The following NRXN3 variants were observed in gnomAD, a reference collection of about 807,000 sequenced individuals.
NRXN3 encodes neurexin III.
Under a neutral mutation model 137.6 loss-of-function variants are expected in NRXN3, and 32 were observed. The observed-to-expected ratio is 0.23, with a 90% confidence interval of 0.18 to 0.31. NRXN3 has a LOEUF of 0.31. Among genes scored for constraint, NRXN3 ranks in the 10% least tolerant of loss-of-function variants. The pLI, the probability that NRXN3 is intolerant of heterozygous loss-of-function variation, is 1.00. For missense variants in NRXN3, 1,574 were observed against 2,062.5 expected, an observed-to-expected ratio of 0.76 and a Z score of 4.59; for synonymous variants, 798 against 784.5, an observed-to-expected ratio of 1.02 and a Z score of -0.29.
At chr14:79,647,647 C>T (rs995393209) in intron 16 of NRXN3, among the ~76,000 whole-genome samples, 1 of 135,314 alleles carries the variant, frequency 7.4e-6, no homozygotes, top group Admixed American at 7.9e-5. Context: ...ATTAAAACCT[C>T]GAGCCGACCC....
Position 79,865,144 on chromosome 14 carries a change from G to A in NRXN3, c.*3180G>A, listed in dbSNP as rs1222365601. ...CAGTATTTAAAACTATGTTCACATA[G>A]TGCCATAAGCACTAGAAAGTCTTAG... On this transcript the variant is annotated 3_prime_UTR_variant, in exon 21 of 21. Coordinates refer to ENST00000335750, the MANE Select transcript of NRXN3 (RefSeq NM_001330195.2). 6.6e-6 allele frequency: 1 copy of A among 152,122 alleles called. No individual in the cohort carries two copies. The highest frequency in any genetic ancestry group is 2.4e-5 in the African/African-American group (1 of 41,402). The allele number at this position is 152,122 out of a possible 1,614,324, so 9.4% of individuals were successfully genotyped here.
chr14:79,366,980 C>CTTTTTTTTTT (rs71131695), intron 15 of NRXN3, among the ~76,000 whole-genome samples: 1 of 113,204 alleles, frequency 8.8e-6, no homozygotes, highest in Non-Finnish European at 1.8e-5. Context: ...GTCCCTTAGT[C>CTTTTTTTTTT]TTTTTTTTTT....
chr14:78,775,828 G>T (rs1469427147), intron 8 of NRXN3, among the ~76,000 whole-genome samples: 1 of 152,124 alleles, frequency 6.6e-6, no homozygotes, highest in Non-Finnish European at 1.5e-5. Flanking sequence ...CTCAGTTTCA[G>T]TTATCTGAGG....
chr14:79,080,519 G>A (rs527901668), intron 15 of NRXN3, among the ~76,000 whole-genome samples: 1 of 152,146 alleles, frequency 6.6e-6, no homozygotes, highest in African/African-American at 2.4e-5. Flanking sequence ...GTGTATATAG[G>A]GGATATATAC....
intron 15 of NRXN3, among the ~76,000 whole-genome samples, chr14:79,023,108 CTTT>C (rs33929389): frequency 2.5e-4 from 35 of 139,786 alleles, no homozygotes; most frequent in Non-Finnish European, 4.0e-4. Flanking sequence ...AGCCCTTTGC[CTTT>C]TTTTTTTTTT....
intron 17 of NRXN3, among the ~76,000 whole-genome samples, chr14:79,691,535 A>G (rs527561396): frequency 7.7e-4 from 117 of 152,210 alleles, no homozygotes; most frequent in South Asian, 5.6e-3. Context: ...ATCTGGAAAG[A>G]TAGTGATATA....
chr14:79,258,169 A>C (rs79974847), intron 15 of NRXN3, among the ~76,000 whole-genome samples: 1,948 of 152,212 alleles, frequency 0.013, 46 homozygotes, highest in African/African-American at 0.045. Flanking sequence ...GGGTCACAAA[A>C]ATTGTTAAGC....
intron 16 of NRXN3, among the ~76,000 whole-genome samples, chr14:79,497,906 C>T (rs150689134): frequency 3.8e-4 from 58 of 152,072 alleles, no homozygotes; most frequent in African/African-American, 1.3e-3. Context: ...TAGTGGTGCG[C>T]CCCTGTAGTC....
At chr14:79,098,215 A>C (rs1397368326) in intron 15 of NRXN3, among the ~76,000 whole-genome samples, 4 of 152,158 alleles carry the variant, frequency 2.6e-5, no homozygotes, top group African/African-American at 9.7e-5. Context: ...AGCCAATCTC[A>C]GGTTTACAAT....
At chr14:78,510,681 G>A (rs577761783) in intron 4 of NRXN3, among the ~76,000 whole-genome samples, 40 of 152,222 alleles carry the variant, frequency 2.6e-4, no homozygotes, top group African/African-American at 9.4e-4. Context: ...TGCTTTCTTT[G>A]TTTGATCCCT....
chr14:79,514,970 C>G (rs1373624390), intron 16 of NRXN3, among the ~76,000 whole-genome samples: 1 of 150,456 alleles, frequency 6.6e-6, no homozygotes, highest in East Asian at 1.9e-4. Context: ...AGTTCCACAG[C>G]TGACTCACTG....
intron 6 of NRXN3, among the ~76,000 whole-genome samples, chr14:78,674,544 G>C (rs1276262490): frequency 6.6e-6 from 1 of 152,332 alleles, no homozygotes; most frequent in Admixed American, 6.5e-5. Context: ...TTTTGGTGGG[G>C]AATAACATTT....
intron 15 of NRXN3, among the ~76,000 whole-genome samples, chr14:79,403,109 G>T (rs1392667839): frequency 6.6e-6 from 1 of 152,070 alleles, no homozygotes; most frequent in Non-Finnish European, 1.5e-5. Context: ...AAAACCATAG[G>T]CTATGGGAGT....
chr14:78,779,422 G>T (rs929469931), intron 8 of NRXN3, among the ~76,000 whole-genome samples: 1 of 151,922 alleles, frequency 6.6e-6, no homozygotes, highest in African/African-American at 2.4e-5. Context: ...ATTTACATTA[G>T]TAACAAAGCA....
intron 2 of NRXN3, among the ~76,000 whole-genome samples, chr14:78,259,598 A>AT (rs1297145145): frequency 6.6e-6 from 1 of 152,162 alleles, no homozygotes; most frequent in Non-Finnish European, 1.5e-5. Context: ...CTAGCAATAT[A>AT]AGTGCTGGTA....
intron 4 of NRXN3, among the ~76,000 whole-genome samples, chr14:78,490,970 C>T (rs570600455): frequency 6.6e-6 from 1 of 152,254 alleles, no homozygotes; most frequent in East Asian, 1.9e-4. Context: ...CATCTCCTTT[C>T]CCTTGCTTTC....
intron 7 of NRXN3, 46 bp downstream of exon 7, chr14:78,709,701 G>T: frequency 6.5e-7 from 1 of 1,531,168 alleles, no homozygotes; most frequent in African/African-American, 1.4e-5. Context: ...GAAAGCTGTA[G>T]CTTCTCAGTT....
At chr14:78,188,219 C>T (rs2060410435) in intron 1 of NRXN3, among the ~76,000 whole-genome samples, 2 of 152,128 alleles carry the variant, frequency 1.3e-5, no homozygotes, top group South Asian at 4.1e-4. Flanking sequence ...AGATTGTAGT[C>T]TAACTCCTTT....
intron 16 of NRXN3, among the ~76,000 whole-genome samples, chr14:79,625,682 C>T (rs979672690): frequency 6.6e-6 from 1 of 152,202 alleles, no homozygotes; most frequent in Non-Finnish European, 1.5e-5. Flanking sequence ...TTCTAAATCA[C>T]CCCTCTATGA....
Sources: gnomAD v4.1 joint callset for allele counts (sites outside exome capture counted in the v4.1 genomes callset) on GRCh38, gnomAD v4.1.1 for gene constraint, MANE v1.5 for transcripts, NCBI Gene and HGNC (gene_info 2026-07-23, HGNC 2026-07-21) for gene names.